The following TEAD1 variants were observed in gnomAD, a reference collection of about 807,000 sequenced individuals.
The protein encoded by TEAD1 is transcriptional enhancer factor TEF-1.
In TEAD1, 9 loss-of-function variants were observed where a neutral mutation model predicts 54.9. The ratio of observed to expected loss-of-function variants is 0.16; its 90% CI spans 0.10 to 0.29. The LOEUF is 0.29. Among genes scored for constraint, TEAD1 ranks in the 10% least tolerant of loss-of-function variants. The pLI is 1.00. For missense variants in TEAD1, 387 were observed against 535.9 expected, an observed-to-expected ratio of 0.72 and a Z score of 2.74; for synonymous variants, 200 against 187.8, an observed-to-expected ratio of 1.07 and a Z score of -0.53.
intron 2 of TEAD1, among the ~76,000 whole-genome samples, chr11:12,680,119 G>T (rs1278748260): frequency 1.3e-5 from 2 of 152,218 alleles, no homozygotes; most frequent in African/African-American, 4.8e-5. Flanking sequence ...CAAGCCTTTA[G>T]AAGGTAATTG....
At chr11:12,884,088 G>A (rs952701714) in intron 9 of TEAD1, among the ~76,000 whole-genome samples, 3 of 151,586 alleles carry the variant, frequency 2.0e-5, no homozygotes, top group African/African-American at 7.3e-5. Context: ...CAGTAACATT[G>A]GCATCTGGAC....
chr11:12,801,186 C>T (rs1349944876), intron 3 of TEAD1, among the ~76,000 whole-genome samples: 1 of 152,206 alleles, frequency 6.6e-6, no homozygotes, highest in Non-Finnish European at 1.5e-5. Context: ...TAAGTGTAGC[C>T]TAGAAATTGG....
chr11:12,729,053 TTCTC>T lies in TEAD1; in HGVS notation c.-54-35122_-54-35119del, dbSNP rs768842623. Among the ~76,000 whole-genome samples, 269 of 152,316 alleles carry T rather than the reference TTCTC, an allele frequency of 1.8e-3. 1 individual carries two copies. The highest frequency in any genetic ancestry group is 3.4e-3 in the Middle Eastern group (1 of 294). ...GAGGGCAGGCAGCTGTAATGAGTGA[TTCTC>T]TCTAATATTAGAGGAGCCTTGCCAT... On this transcript the variant is annotated intron_variant, in intron 2 of 12. Transcript: ENST00000527636.
At chr11:12,861,558 T>C (rs966764591) in intron 3 of TEAD1, among the ~76,000 whole-genome samples, 1 of 152,182 alleles carries the variant, frequency 6.6e-6, no homozygotes, top group Non-Finnish European at 1.5e-5. Flanking sequence ...TGAATATGAA[T>C]GTGAATATGA....
intron 2 of TEAD1, among the ~76,000 whole-genome samples, chr11:12,721,402 C>G (rs975157353): frequency 1.3e-5 from 2 of 152,196 alleles, no homozygotes; most frequent in Non-Finnish European, 1.5e-5. Flanking sequence ...AGTCCCTGTT[C>G]TAGCAGCTGG....
intron 2 of TEAD1, among the ~76,000 whole-genome samples, chr11:12,742,158 G>C (rs1408246118): frequency 1.3e-5 from 2 of 152,168 alleles, no homozygotes; most frequent in Non-Finnish European, 2.9e-5. Flanking sequence ...CTCTAGTGAT[G>C]GGAGGCTTAC....
chr11:12,887,097 G>GT (rs150663285), intron 9 of TEAD1, among the ~76,000 whole-genome samples: 1,438 of 112,602 alleles, frequency 0.013, 22 homozygotes, highest in South Asian at 0.05. Context: ...TTTTTTGTTT[G>GT]TTTTTTTTTT....
intron 9 of TEAD1, among the ~76,000 whole-genome samples, chr11:12,891,501 G>A (rs1948196790): frequency 6.6e-6 from 1 of 152,236 alleles, no homozygotes. Flanking sequence ...TGTGAGAAGA[G>A]GAGGATAAAT....
At chr11:12,676,994 T>TTA (rs397944774) in intron 2 of TEAD1, among the ~76,000 whole-genome samples, 31 of 151,934 alleles carry the variant, frequency 2.0e-4, no homozygotes, top group African/African-American at 7.2e-4. Flanking sequence ...CTTTTTTTTT[T>TTA]AAAAACGAGC....
intron 3 of TEAD1, among the ~76,000 whole-genome samples, chr11:12,803,844 G>A (rs1374807586): frequency 1.3e-5 from 2 of 152,196 alleles, no homozygotes; most frequent in Non-Finnish European, 2.9e-5. Context: ...GCCTGCCCAA[G>A]GTTGTGGAAT....
At chr11:12,868,143 C>A (rs1449487184) in intron 5 of TEAD1, among the ~76,000 whole-genome samples, 4 of 152,178 alleles carry the variant, frequency 2.6e-5, no homozygotes, top group Non-Finnish European at 5.9e-5. Context: ...CCTGGTGAGT[C>A]TTCTTGCTTA....
At chr11:12,869,326 C>CA (rs1384147145) in intron 5 of TEAD1, among the ~76,000 whole-genome samples, 4 of 152,120 alleles carry the variant, frequency 2.6e-5, no homozygotes, top group Admixed American at 1.3e-4. Context: ...GGCCAACCCA[C>CA]ACCCCCTGGG....
chr11:12,877,964 A>AT lies in TEAD1; in HGVS notation c.331-1733dup, dbSNP rs1156263667. 4.7e-3 allele frequency among the ~76,000 whole-genome samples: 703 copies of AT among 148,268 alleles called. 3 individuals are homozygous for AT. The highest frequency in any genetic ancestry group is 0.017 in the African/African-American group (677 of 39,732). The stretch of plus-strand genomic sequence containing the variant: ...AGAAGTACACCACCACACCTGGCTA[A>AT]TTTTTTTTTTTGTGTGTGTGTGTGT... On this transcript the variant is annotated intron_variant, in intron 5 of 12. Coordinates refer to ENST00000527636, the MANE Select transcript of TEAD1 (RefSeq NM_021961.6).
At chr11:12,914,217 G>A (rs146921723) in intron 10 of TEAD1, among the ~76,000 whole-genome samples, 6 of 152,358 alleles carry the variant, frequency 3.9e-5, no homozygotes, top group African/African-American at 1.2e-4. Flanking sequence ...ATTAGAGCAA[G>A]CTTTTAAGAT....
At chr11:12,768,210 T>C (rs779767663) in intron 3 of TEAD1, among the ~76,000 whole-genome samples, 34 of 152,206 alleles carry the variant, frequency 2.2e-4, no homozygotes, top group Non-Finnish European at 3.7e-4. Flanking sequence ...CTTCTAGATA[T>C]CAGATTTTTA....
chr11:12,832,720 G>C (rs1946807332), intron 3 of TEAD1, among the ~76,000 whole-genome samples: 1 of 152,226 alleles, frequency 6.6e-6, no homozygotes, highest in South Asian at 2.1e-4. Flanking sequence ...GCATGATGCA[G>C]AACACTCATT....
intron 2 of TEAD1, among the ~76,000 whole-genome samples, chr11:12,697,406 G>T (rs1424001647): frequency 6.6e-6 from 1 of 152,220 alleles, no homozygotes; most frequent in Non-Finnish European, 1.5e-5. Context: ...CCAGAAGGGG[G>T]TGCGGTGGCA....
chr11:12,704,777 T>C (rs1024717998), intron 2 of TEAD1, among the ~76,000 whole-genome samples: 4 of 152,354 alleles, frequency 2.6e-5, no homozygotes, highest in Admixed American at 6.5e-5. Context: ...TGGGATGGGA[T>C]GATAATAGCT....
chr11:12,914,861 G>T (rs1408897233), intron 10 of TEAD1, among the ~76,000 whole-genome samples: 1 of 151,930 alleles, frequency 6.6e-6, no homozygotes, highest in African/African-American at 2.4e-5. Flanking sequence ...ACGGCTGCCC[G>T]CCACAGGGCC....
Sources: gnomAD v4.1 joint callset for allele counts (sites outside exome capture counted in the v4.1 genomes callset) on GRCh38, gnomAD v4.1.1 for gene constraint, MANE v1.5 for transcripts, NCBI Gene and HGNC (gene_info 2026-07-23, HGNC 2026-07-21) for gene names.